The following GAPVD1 variants were observed in gnomAD, a reference collection of about 807,000 sequenced individuals.
GAPVD1 encodes GTPase-activating protein and VPS9 domain-containing protein 1.
GAPVD1 carries 35 observed loss-of-function variants against 155.5 expected under a neutral mutation model. That is an observed-to-expected ratio of 0.23 (90% CI 0.17 to 0.30). The LOEUF (loss-of-function observed/expected upper bound fraction) is 0.30, where lower values mean the gene tolerates loss of function less well. Ranked by LOEUF, GAPVD1 falls within the 10% of genes least tolerant of loss-of-function variation. The pLI is 1.00. For missense variants in GAPVD1, 1,429 were observed against 1,775.7 expected, an observed-to-expected ratio of 0.80 and a Z score of 3.51; for synonymous variants, 636 against 619.7, an observed-to-expected ratio of 1.03 and a Z score of -0.39.
chr9:125,304,548 A>G (rs1841475924), intron 5 of GAPVD1, among the ~76,000 whole-genome samples: 1 of 152,198 alleles, frequency 6.6e-6, no homozygotes, highest in South Asian at 2.1e-4. Flanking sequence ...AGAGTGCAGT[A>G]ACAAATTTTG....
At chr9:125,338,972 G>T (rs1229517050) in intron 17 of GAPVD1, among the ~76,000 whole-genome samples, 2 of 145,896 alleles carry the variant, frequency 1.4e-5, no homozygotes, top group East Asian at 2.2e-4. Context: ...TATATTTTTT[G>T]TTGTTGTTGT....
At position 125,363,647 on chromosome 9, in the gene GAPVD1, A is replaced by G. The variant is rs1006259501; in HGVS notation, c.*901A>G. On this transcript the variant is annotated 3_prime_UTR_variant, in exon 28 of 28. Coordinates refer to ENST00000297933, the MANE Select transcript of GAPVD1 (RefSeq NM_001282680.3). Reference sequence around the variant, plus strand: ...TCCTCCGAAATAATATACTGCAGAAATCCCAGACAGAGCTCCTTACAAACC... The same window carrying G: ...TCCTCCGAAATAATATACTGCAGAAGTCCCAGACAGAGCTCCTTACAAACC... 5 of 152,626 alleles carry G rather than the reference A, an allele frequency of 3.3e-5. No homozygotes were observed. The highest frequency in any genetic ancestry group is 6.5e-5 in the Admixed American group (1 of 15,288). The allele number at this position is 152,626 out of a possible 1,614,324, so 9.5% of individuals were successfully genotyped here. A position where few individuals can be genotyped will look rare whatever the true frequency, so the allele number is the denominator to read the frequency against.
At chr9:125,334,759 T>G (rs2131895731) in intron 15 of GAPVD1, among the ~76,000 whole-genome samples, 1 of 151,216 alleles carries the variant, frequency 6.6e-6, no homozygotes, top group East Asian at 1.9e-4. Context: ...ATAAAAAAAT[T>G]AGCCAGGTGT....
intron 2 of GAPVD1, among the ~76,000 whole-genome samples, chr9:125,293,849 A>ATT (rs1316062463): frequency 1.3e-3 from 61 of 48,494 alleles, no homozygotes; most frequent in Admixed American, 3.0e-3. Context: ...ATAAAAATAT[A>ATT]TTTTATATAT....
chr9:125,328,842 C>G (rs947645620), intron 12 of GAPVD1, among the ~76,000 whole-genome samples: 2 of 144,474 alleles, frequency 1.4e-5, no homozygotes, highest in Non-Finnish European at 3.0e-5. Context: ...GACCCCCCCC[C>G]CACCTCCCTC....
intron 20 of GAPVD1, among the ~76,000 whole-genome samples, chr9:125,348,625 G>T (rs1449595963): frequency 1.3e-5 from 2 of 152,008 alleles, no homozygotes; most frequent in Admixed American, 1.3e-4. Context: ...CAACTCTCCT[G>T]CCTCGACCTC....
At chr9:125,316,706 G>A (rs1186488927) in intron 9 of GAPVD1, among the ~76,000 whole-genome samples, 1 of 152,178 alleles carries the variant, frequency 6.6e-6, no homozygotes, top group African/African-American at 2.4e-5. Flanking sequence ...ACGTATGTGT[G>A]CATGTGTCTT....
chr9:125,341,289 C>T (rs1187760580), intron 18 of GAPVD1, 25 bp downstream of exon 18: 2 of 1,145,042 alleles, frequency 1.7e-6, no homozygotes, highest in African/African-American at 1.5e-5. Context: ...TATTAGAACG[C>T]TGTATTAGCA....
At chr9:125,335,242 G>A (rs759062606) in intron 15 of GAPVD1, 1 of 764,572 alleles carries the variant, frequency 1.3e-6, no homozygotes, top group East Asian at 2.5e-5. Context: ...TGAGAATCCA[G>A]CTGTCTTCTA....
intron 2 of GAPVD1, among the ~76,000 whole-genome samples, chr9:125,292,400 ATT>A (rs869107135): frequency 6.8e-6 from 1 of 146,010 alleles, no homozygotes; most frequent in African/African-American, 2.5e-5. Flanking sequence ...TCCAGGGTAG[ATT>A]TTTTTTTTTT....
Position 125,355,865 on chromosome 9 carries a change from C to T in GAPVD1, c.3971+8C>T, listed in dbSNP as rs756694317. 15 of 1,503,518 alleles carry T rather than the reference C, an allele frequency of 1.0e-5. No homozygotes were observed. The highest frequency in any genetic ancestry group is 2.3e-5 in the East Asian group (1 of 44,386). 93.1% of individuals were successfully genotyped at this position (1,503,518 alleles called of 1,614,324 possible). ...GGACATACTTCGCGACCAGTAAGTACTTCTATGTTGAGTGCCTATGTGGAA... is the reference window on the plus strand; with the variant it reads ...GGACATACTTCGCGACCAGTAAGTATTTCTATGTTGAGTGCCTATGTGGAA... On this transcript the variant is annotated splice_region_variant and intron_variant, in intron 25 of 27. Coordinates refer to ENST00000297933, the MANE Select transcript of GAPVD1 (RefSeq NM_001282680.3).
At chr9:125,333,807 A>G (rs773595493) in intron 15 of GAPVD1, among the ~76,000 whole-genome samples, 13 of 152,086 alleles carry the variant, frequency 8.5e-5, no homozygotes, top group Non-Finnish European at 1.8e-4. Flanking sequence ...TTCTATTTTT[A>G]CAATTTTTTT....
intron 1 of GAPVD1, 96 bp downstream of exon 1, chr9:125,262,055 G>GC (rs1832997577): frequency 6.6e-6 from 1 of 152,392 alleles, no homozygotes; most frequent in African/African-American, 2.4e-5. Flanking sequence ...GTCTCTGACT[G>GC]CCCGGCCGTC....
intron 2 of GAPVD1, among the ~76,000 whole-genome samples, 196 bp from the exon 3 acceptor site, chr9:125,295,262 T>C (rs1839655084): frequency 6.6e-6 from 1 of 152,146 alleles, no homozygotes; most frequent in African/African-American, 2.4e-5. Context: ...TCTGTACTTT[T>C]CTGTTGTCTT....
At chr9:125,286,978 G>A (rs1837810304) in intron 2 of GAPVD1, among the ~76,000 whole-genome samples, 1 of 152,026 alleles carries the variant, frequency 6.6e-6, no homozygotes, top group Non-Finnish European at 1.5e-5. Flanking sequence ...TAGCTACTCG[G>A]GAGGCTGAGG....
chr9:125,288,933 T>C (rs1838154285), intron 2 of GAPVD1, among the ~76,000 whole-genome samples: 1 of 152,134 alleles, frequency 6.6e-6, no homozygotes, highest in Non-Finnish European at 1.5e-5. Context: ...GTGGCCAAAC[T>C]CACTGAAGAA....
At chr9:125,266,119 T>C (rs560360094) in intron 1 of GAPVD1, among the ~76,000 whole-genome samples, 1 of 132,072 alleles carries the variant, frequency 7.6e-6, no homozygotes, top group South Asian at 2.5e-4. Context: ...AAGGGGATGA[T>C]ATCTATAATT....
At chr9:125,324,264 C>T (rs1844810309) in intron 11 of GAPVD1, among the ~76,000 whole-genome samples, 1 of 152,086 alleles carries the variant, frequency 6.6e-6, no homozygotes, top group South Asian at 2.1e-4. Flanking sequence ...AAGTATTTGG[C>T]AGTTCTGAGT....
chr9:125,355,602 GT>G (rs1564468861), intron 24 of GAPVD1, 41 bp from the exon 25 acceptor site: 1 of 1,173,496 alleles, frequency 8.5e-7, no homozygotes, highest in East Asian at 2.6e-5. Flanking sequence ...TATTTAGATA[GT>G]TTTTATTAAA....
Sources: allele counts gnomAD v4.1 joint callset (sites outside exome capture counted in the v4.1 genomes callset), GRCh38; gene constraint gnomAD v4.1.1; transcripts MANE v1.5; gene names NCBI Gene and HGNC (gene_info 2026-07-23, HGNC 2026-07-21).